Variants in KDM4C observed in about 807,000 individuals in gnomAD.
KDM4C encodes the protein lysine demethylase 4C.
A neutral mutation model predicts 129.3 loss-of-function variants in KDM4C; 81 were observed. The ratio of observed to expected loss-of-function variants is 0.63; its 90% CI spans 0.52 to 0.75. The LOEUF (loss-of-function observed/expected upper bound fraction) is 0.75. Among genes scored for constraint, KDM4C ranks in the 30% least tolerant of loss-of-function variants. KDM4C has a pLI of 0.00. For synonymous variants in KDM4C, 573 were observed against 456.1 expected (o/e 1.26, Z -3.26); for missense variants, 1,457 against 1,304.0 (o/e 1.12, Z -1.81).
intron 15 of KDM4C, among the ~76,000 whole-genome samples, chr9:7,028,998 G>A (rs921857961): frequency 2.0e-4 from 31 of 152,140 alleles, no homozygotes; most frequent in African/African-American, 7.0e-4. Flanking sequence ...TAAAAACCAG[G>A]TACTGTGGGT....
intron 17 of KDM4C, among the ~76,000 whole-genome samples, chr9:7,087,116 A>G (rs991001333): frequency 5.3e-5 from 8 of 151,610 alleles, no homozygotes; most frequent in African/African-American, 1.9e-4. Context: ...TTTTGACAGA[A>G]TTAAAGGAGT....
At chr9:6,769,785 T>A (rs1563963502) in intron 1 of KDM4C, among the ~76,000 whole-genome samples, 1 of 152,230 alleles carries the variant, frequency 6.6e-6, no homozygotes, top group Non-Finnish European at 1.5e-5. Context: ...ACATTTGTTT[T>A]GCTGTTTAAC....
rs374357280 is a variant in KDM4C, at chr9:6,838,269, G to T, written c.436-11238G>T. 1.1e-4 allele frequency among the ~76,000 whole-genome samples: 16 copies of T among 152,256 alleles called. No homozygotes were observed. In the East Asian group the frequency reaches 3.1e-3, roughly 29 times the overall value. On this transcript the variant is annotated intron_variant, in intron 4 of 21. Coordinates refer to ENST00000381309, the MANE Select transcript of KDM4C (RefSeq NM_015061.6). ...CAATATTAGTGGTCCTGCTTGAGGGGCTGGTCTGAACAATTTGTTCATTAT... is the reference window on the plus strand; with the variant it reads ...CAATATTAGTGGTCCTGCTTGAGGGTCTGGTCTGAACAATTTGTTCATTAT...
intron 19 of KDM4C, among the ~76,000 whole-genome samples, chr9:7,129,759 G>GT (rs2133361360): frequency 6.6e-6 from 1 of 152,190 alleles, no homozygotes; most frequent in South Asian, 2.1e-4. Flanking sequence ...GGAAGAATAA[G>GT]TAACACTTAC....
At chr9:7,164,700 ACCTGGGTGTCTTTTAGTCTC>A (rs1844189435) in intron 19 of KDM4C, among the ~76,000 whole-genome samples, 1 of 151,924 alleles carries the variant, frequency 6.6e-6, no homozygotes, top group Non-Finnish European at 1.5e-5. Context: ...CTCCACTTCC[ACCTGGGTGTCTTTTAGTCTC>A]CCATAGCTTC....
chr9:6,959,306 C>G (rs1234823344), intron 8 of KDM4C, among the ~76,000 whole-genome samples: 2 of 152,202 alleles, frequency 1.3e-5, no homozygotes, highest in African/African-American at 2.4e-5. Flanking sequence ...GAGTGGATGT[C>G]AGAGTCCCCT....
At chr9:6,834,991 C>G in intron 4 of KDM4C, 2 of 974,136 alleles carry the variant, frequency 2.1e-6, no homozygotes, top group East Asian at 2.4e-5. Flanking sequence ...TGCATCTGGA[C>G]CTGGCTGGCC....
chr9:7,151,507 C>G (rs1443761578), intron 19 of KDM4C, among the ~76,000 whole-genome samples: 1 of 152,026 alleles, frequency 6.6e-6, no homozygotes, highest in Non-Finnish European at 1.5e-5. Flanking sequence ...AAGACCTCAT[C>G]TCTACTTTTA....
intron 8 of KDM4C, among the ~76,000 whole-genome samples, chr9:6,963,579 G>A (rs1217979087): frequency 6.6e-6 from 1 of 152,210 alleles, no homozygotes. Context: ...GTGCAACAAG[G>A]TAACAATACA....
At chr9:6,931,808 G>A (rs1823795670) in intron 8 of KDM4C, among the ~76,000 whole-genome samples, 1 of 152,170 alleles carries the variant, frequency 6.6e-6, no homozygotes, top group South Asian at 2.1e-4. Context: ...GCCAGCAATA[G>A]TCATATACAT....
intron 8 of KDM4C, among the ~76,000 whole-genome samples, chr9:6,934,137 G>T (rs112743100): frequency 0.011 from 1,656 of 151,590 alleles, 29 homozygotes; most frequent in African/African-American, 0.038. Flanking sequence ...ACAGGTGTGA[G>T]CCATTGCGCC....
At chr9:6,896,884 C>T (rs941453442) in intron 8 of KDM4C, among the ~76,000 whole-genome samples, 1 of 152,172 alleles carries the variant, frequency 6.6e-6, no homozygotes, top group Non-Finnish European at 1.5e-5. Context: ...TCTGGTGTCC[C>T]TGGAGCAGGA....
chr9:6,841,567 G>A (rs977468215), intron 4 of KDM4C, among the ~76,000 whole-genome samples: 2 of 152,144 alleles, frequency 1.3e-5, no homozygotes, highest in Non-Finnish European at 2.9e-5. Context: ...CTGCTTTTAT[G>A]TACAACAAAT....
At chr9:6,929,621 T>C (rs762983365) in intron 8 of KDM4C, among the ~76,000 whole-genome samples, 97 of 152,166 alleles carry the variant, frequency 6.4e-4, no homozygotes, top group Admixed American at 1.9e-3. Flanking sequence ...GGGTAGACTC[T>C]TTTTAGCAGC....
intron 5 of KDM4C, among the ~76,000 whole-genome samples, chr9:6,861,131 C>G (rs1291201416): frequency 6.6e-6 from 1 of 152,162 alleles, no homozygotes; most frequent in Non-Finnish European, 1.5e-5. Flanking sequence ...TTTTTGGTCA[C>G]TACTTGAACC....
chr9:6,899,538 T>TGGGG (rs751090659), intron 8 of KDM4C, among the ~76,000 whole-genome samples: 71 of 91,670 alleles, frequency 7.7e-4, no homozygotes, highest in Non-Finnish European at 1.7e-3. Context: ...GCCTTTTCCA[T>TGGGG]GGGGGTGTGT....
At chr9:7,118,149 G>T (rs1476027215) in intron 18 of KDM4C, among the ~76,000 whole-genome samples, 1 of 152,224 alleles carries the variant, frequency 6.6e-6, no homozygotes, top group Non-Finnish European at 1.5e-5. Context: ...ATCTAATGCA[G>T]CCTGTTGTTT....
chr9:6,920,830 T>A (rs890703702), intron 8 of KDM4C, among the ~76,000 whole-genome samples: 13 of 152,112 alleles, frequency 8.5e-5, no homozygotes, highest in Admixed American at 3.3e-4. Context: ...TCACCTTCTT[T>A]GAAAGGGACT....
chr9:7,036,652 T>A (rs1380216101), intron 15 of KDM4C, among the ~76,000 whole-genome samples: 2 of 152,214 alleles, frequency 1.3e-5, no homozygotes, highest in Non-Finnish European at 2.9e-5. Flanking sequence ...GAAGAAAAAC[T>A]AAATTTCTGT....
Sources: allele counts gnomAD v4.1 joint callset (sites outside exome capture counted in the v4.1 genomes callset), GRCh38; gene constraint gnomAD v4.1.1; transcripts MANE v1.5; gene names NCBI Gene and HGNC (gene_info 2026-07-23, HGNC 2026-07-21).